The following SLC26A7 variants were observed in gnomAD, a reference collection of about 807,000 sequenced individuals.
SLC26A7 encodes anion exchange transporter.
SLC26A7 carries 59 observed loss-of-function variants against 82.5 expected under a neutral mutation model. That is an observed-to-expected ratio of 0.72 (90% CI 0.58 to 0.89). The LOEUF (loss-of-function observed/expected upper bound fraction) is 0.89. Among genes scored for constraint, SLC26A7 ranks in the 40% least tolerant of loss-of-function variants. SLC26A7 has a pLI of 0.00. For synonymous variants in SLC26A7, 271 were observed against 274.3 expected (o/e 0.99, Z 0.12); for missense variants, 820 against 793.0 (o/e 1.03, Z -0.41).
chr8:91,339,974 G>A (rs1286124946), intron 7 of SLC26A7, among the ~76,000 whole-genome samples: 1 of 152,136 alleles, frequency 6.6e-6, no homozygotes, highest in Non-Finnish European at 1.5e-5. Flanking sequence ...ATGAACTCAA[G>A]AATTGTAGCT....
chr8:91,211,198 T>A (rs188680531), intron 1 of SLC26A7, among the ~76,000 whole-genome samples: 22 of 151,998 alleles, frequency 1.4e-4, no homozygotes, highest in African/African-American at 5.3e-4. Flanking sequence ...GAAGAAAAAA[T>A]TTTTAAAGGA....
intron 18 of SLC26A7, 186 bp from the exon 19 acceptor site, chr8:91,394,876 T>C: frequency 5.3e-6 from 2 of 380,140 alleles, no homozygotes; most frequent in Non-Finnish European, 7.2e-6. Flanking sequence ...GTAGAGCTGG[T>C]TGCAGAGTCA....
chr8:91,367,586 G>T (rs1381071960), intron 14 of SLC26A7, among the ~76,000 whole-genome samples: 5 of 152,146 alleles, frequency 3.3e-5, no homozygotes, highest in Non-Finnish European at 7.4e-5. Context: ...AACTGCCTGG[G>T]TATGCCACTT....
chr8:91,241,252 T>A (rs1386963483), intron 2 of SLC26A7, among the ~76,000 whole-genome samples: 1 of 152,138 alleles, frequency 6.6e-6, no homozygotes, highest in Non-Finnish European at 1.5e-5. Context: ...AGGCTTATGA[T>A]ATAAATCTCA....
At chr8:91,222,150 C>T (rs1238187606) in intron 2 of SLC26A7, among the ~76,000 whole-genome samples, 1 of 152,092 alleles carries the variant, frequency 6.6e-6, no homozygotes, top group African/African-American at 2.4e-5. Context: ...AATGGGAGTT[C>T]ACTCATGATT....
chr8:91,278,511 A>G (rs1248208020), intron 2 of SLC26A7, among the ~76,000 whole-genome samples: 1 of 152,242 alleles, frequency 6.6e-6, no homozygotes, highest in Non-Finnish European at 1.5e-5. Flanking sequence ...AAAGTATTAT[A>G]GAAGTATATC....
chr8:91,363,378 A>T (rs1814102662), intron 12 of SLC26A7, 94 bp from the exon 13 acceptor site: 12 of 677,978 alleles, frequency 1.8e-5, no homozygotes, highest in Non-Finnish European at 2.8e-5. Flanking sequence ...TCTCAGACAC[A>T]TTCTAGTTAT....
intron 9 of SLC26A7, among the ~76,000 whole-genome samples, chr8:91,347,394 A>G (rs1458272597): frequency 1.3e-5 from 2 of 152,182 alleles, no homozygotes; most frequent in African/African-American, 2.4e-5. Context: ...GAAATTGATA[A>G]TTTTAATTTT....
intron 4 of SLC26A7, among the ~76,000 whole-genome samples, chr8:91,299,076 T>A (rs868643540): frequency 2.0e-5 from 3 of 152,192 alleles, no homozygotes; most frequent in African/African-American, 7.2e-5. Context: ...AGGTTCAACA[T>A]CTTTTCATAT....
chr8:91,210,120 G>T (rs996155383), intron 1 of SLC26A7, among the ~76,000 whole-genome samples: 10 of 151,986 alleles, frequency 6.6e-5, no homozygotes, highest in African/African-American at 2.4e-4. Flanking sequence ...TTTCCCAGGG[G>T]GTGACATTTA....
intron 4 of SLC26A7, among the ~76,000 whole-genome samples, chr8:91,297,467 G>T (rs1181936095): frequency 6.6e-6 from 1 of 151,990 alleles, no homozygotes; most frequent in Non-Finnish European, 1.5e-5. Flanking sequence ...TAAGAGCAAA[G>T]CAGAATATTA....
chr8:91,397,835 C>T lies in SLC26A7; in HGVS notation c.*2738C>T, dbSNP rs558321046. ...ATAATGCTTGACATTTAGTGGTTTC[C>T]AAAATATATTAGTATATTGTTGAAC... On this transcript the variant is annotated 3_prime_UTR_variant, in exon 19 of 19. Coordinates refer to ENST00000276609, the MANE Select transcript of SLC26A7 (RefSeq NM_052832.4). The T allele has an allele frequency of 4.6e-5, 7 of 152,394 alleles. No homozygotes were observed. The highest frequency in any genetic ancestry group is 1.2e-4 in the African/African-American group (5 of 41,468). 9.4% of individuals were successfully genotyped at this position (152,394 alleles called of 1,614,324 possible).
At chr8:91,347,931 T>C (rs1813609477) in intron 9 of SLC26A7, among the ~76,000 whole-genome samples, 1 of 152,222 alleles carries the variant, frequency 6.6e-6, no homozygotes. Context: ...ACGGTAAGTA[T>C]GGGAGGGAGC....
intron 12 of SLC26A7, 131 bp downstream of exon 12, chr8:91,362,590 C>A: frequency 1.6e-6 from 1 of 612,240 alleles, no homozygotes; most frequent in Non-Finnish European, 2.8e-6. Flanking sequence ...GTTTTTCTTG[C>A]TGTCAGAAAA....
intron 2 of SLC26A7, among the ~76,000 whole-genome samples, chr8:91,284,891 A>G (rs1259407901): frequency 1.3e-5 from 2 of 152,246 alleles, no homozygotes; most frequent in Non-Finnish European, 2.9e-5. Flanking sequence ...TCCTGTGCAG[A>G]AAGTGAGGTT....
rs115232015 is a variant in SLC26A7, at chr8:91,343,808, A to C, written c.1140+342A>C. The stretch of plus-strand genomic sequence containing the variant: ...TTCCCATTTTTGTTAACTTCCTTTA[A>C]ATATATAAAATCGATTATATGAAAA... On this transcript the variant is annotated intron_variant, in intron 9 of 18. Transcript: ENST00000276609. 661 of 247,684 alleles carry C rather than the reference A, an allele frequency of 2.7e-3. 5 individuals carry two copies. The highest frequency in any genetic ancestry group is 0.014 in the African/African-American group (601 of 43,370). 15.3% of individuals were successfully genotyped at this position (247,684 alleles called of 1,614,324 possible).
At chr8:91,291,179 C>A (rs754489690) in intron 3 of SLC26A7, among the ~76,000 whole-genome samples, 4 of 152,034 alleles carry the variant, frequency 2.6e-5, no homozygotes, top group African/African-American at 2.4e-5. Context: ...CTAGCATAAG[C>A]CTTTTAAATA....
chr8:91,302,818 C>CTTTTTTTTTTTT (rs11333572), intron 4 of SLC26A7, among the ~76,000 whole-genome samples: 8 of 129,608 alleles, frequency 6.2e-5, no homozygotes, highest in Admixed American at 1.5e-4. Flanking sequence ...TTCCCCTTCT[C>CTTTTTTTTTTTT]TTTTTTTTTT....
intron 2 of SLC26A7, among the ~76,000 whole-genome samples, chr8:91,265,180 G>A (rs1468002233): frequency 6.6e-6 from 1 of 152,012 alleles, no homozygotes; most frequent in African/African-American, 2.4e-5. Flanking sequence ...TTAACGTAAT[G>A]TCCTCCAGGT....
Sources: allele counts gnomAD v4.1 joint callset (sites outside exome capture counted in the v4.1 genomes callset), GRCh38; gene constraint gnomAD v4.1.1; transcripts MANE v1.5; gene names NCBI Gene and HGNC (gene_info 2026-07-23, HGNC 2026-07-21).